DNER: variants seen among roughly 807,000 people sequenced by gnomAD.
DNER encodes the protein delta and Notch-like epidermal growth factor-related receptor.
Under a neutral mutation model 78.2 loss-of-function variants are expected in DNER, and 33 were observed. The observed-to-expected ratio is 0.42, with a 90% confidence interval of 0.32 to 0.56. DNER has a LOEUF of 0.56. Ranked by LOEUF, DNER falls within the 20% of genes least tolerant of loss-of-function variation. The pLI, the probability that DNER is intolerant of heterozygous loss-of-function variation, is 0.11. For missense variants in DNER, 918 were observed against 975.3 expected (o/e 0.94, Z 0.78); for synonymous variants, 417 against 384.8 (o/e 1.08, Z -0.98).
At chr2:229,406,967 A>G (rs1259627958) in intron 10 of DNER, among the ~76,000 whole-genome samples, 1 of 152,166 alleles carries the variant, frequency 6.6e-6, no homozygotes, top group Non-Finnish European at 1.5e-5. Flanking sequence ...CTCATGTTTC[A>G]TAGTCCTAGC....
intron 10 of DNER, among the ~76,000 whole-genome samples, chr2:229,405,304 AAAATATC>A (rs1188509950): frequency 6.6e-6 from 1 of 152,190 alleles, no homozygotes; most frequent in East Asian, 1.9e-4. Flanking sequence ...TTGGTAGGAG[AAAATATC>A]GGTTCAATGT....
At chr2:229,616,303 A>G (rs1376289725) in intron 1 of DNER, among the ~76,000 whole-genome samples, 1 of 152,000 alleles carries the variant, frequency 6.6e-6, no homozygotes, top group Non-Finnish European at 1.5e-5. Flanking sequence ...CTTTTGTCCT[A>G]TGGTTCCATG....
chr2:229,461,772 A>C (rs1694708303), intron 7 of DNER, among the ~76,000 whole-genome samples: 1 of 152,086 alleles, frequency 6.6e-6, no homozygotes, highest in Admixed American at 6.5e-5. Context: ...CAAAAAGTGC[A>C]AGCAGAAAGA....
At chr2:229,457,031 A>G (rs1402799685) in intron 7 of DNER, among the ~76,000 whole-genome samples, 2 of 152,144 alleles carry the variant, frequency 1.3e-5, no homozygotes, top group Non-Finnish European at 2.9e-5. Flanking sequence ...AGGCACTGGA[A>G]AAATAAACTC....
chr2:229,371,743 C>T (rs1049744700), intron 11 of DNER, among the ~76,000 whole-genome samples: 1 of 152,190 alleles, frequency 6.6e-6, no homozygotes, highest in Non-Finnish European at 1.5e-5. Context: ...TAGCCCATAT[C>T]TATTTTTTAA....
At chr2:229,693,017 G>T (rs185881012) in intron 1 of DNER, among the ~76,000 whole-genome samples, 2 of 152,096 alleles carry the variant, frequency 1.3e-5, no homozygotes, top group African/African-American at 4.8e-5. Flanking sequence ...ATTCCAGTCT[G>T]ATATGGTTTG....
chr2:229,663,281 T>C (rs1405953380), intron 1 of DNER, among the ~76,000 whole-genome samples: 1 of 152,202 alleles, frequency 6.6e-6, no homozygotes, highest in Admixed American at 6.5e-5. Flanking sequence ...CACTATGTTA[T>C]GCTGCAAGTC....
At chr2:229,370,165 G>C (rs1195585885) in intron 11 of DNER, among the ~76,000 whole-genome samples, 1 of 152,176 alleles carries the variant, frequency 6.6e-6, no homozygotes, top group Non-Finnish European at 1.5e-5. Context: ...TTGAAAAGCT[G>C]CAGTCAGTCT....
chr2:229,598,565 C>T (rs1456549834), intron 1 of DNER, among the ~76,000 whole-genome samples: 1 of 146,872 alleles, frequency 6.8e-6, no homozygotes, highest in Non-Finnish European at 1.5e-5. Context: ...TGTTAAACTA[C>T]CTTACATTTT....
intron 1 of DNER, among the ~76,000 whole-genome samples, chr2:229,601,701 A>G (rs1223838597): frequency 6.6e-6 from 1 of 152,196 alleles, no homozygotes; most frequent in Non-Finnish European, 1.5e-5. Flanking sequence ...ATCCATTAAA[A>G]ATAAACTCTT....
chr2:229,358,475 A>G lies in DNER; in HGVS notation c.*65T>C, dbSNP rs749156077. 40 of 1,279,292 alleles carry G rather than the reference A, an allele frequency of 3.1e-5. No homozygotes were observed. The Middle Eastern group carries it at 9.9e-4, about 32-fold the overall frequency. 79.2% of individuals were successfully genotyped at this position (1,279,292 alleles called of 1,614,324 possible). Reference sequence around the variant, plus strand: ...GCATTTTAAATTTCTTAAGCTTTTTATTTTCTTAAAAATATTTAAATGAGT... The same window carrying G: ...GCATTTTAAATTTCTTAAGCTTTTTGTTTTCTTAAAAATATTTAAATGAGT... On this transcript the variant is annotated 3_prime_UTR_variant, in exon 13 of 13. Transcript: ENST00000341772.
At chr2:229,677,670 G>A (rs561836129) in intron 1 of DNER, among the ~76,000 whole-genome samples, 300 of 152,246 alleles carry the variant, frequency 2.0e-3, no homozygotes, top group African/African-American at 7.1e-3. Context: ...CAAAGAAAAG[G>A]TTCTATGAAG....
intron 6 of DNER, among the ~76,000 whole-genome samples, chr2:229,492,361 A>G (rs545214832): frequency 6.6e-5 from 10 of 152,326 alleles, no homozygotes; most frequent in African/African-American, 2.4e-4. Flanking sequence ...CAAGGGGTGC[A>G]ATGTCTGGTC....
intron 1 of DNER, among the ~76,000 whole-genome samples, chr2:229,707,226 G>A (rs1354489870): frequency 6.8e-5 from 9 of 131,676 alleles, no homozygotes; most frequent in Non-Finnish European, 7.8e-5. Context: ...GTAGGGATGC[G>A]GTTTCACCAT....
At chr2:229,505,304 C>T (rs1323106660) in intron 6 of DNER, among the ~76,000 whole-genome samples, 2 of 151,432 alleles carry the variant, frequency 1.3e-5, no homozygotes, top group Admixed American at 6.6e-5. Flanking sequence ...TGCAGGGAAT[C>T]GGAACTGGCA....
chr2:229,462,935 C>G (rs549027810), intron 7 of DNER, among the ~76,000 whole-genome samples: 4 of 152,248 alleles, frequency 2.6e-5, no homozygotes, highest in Non-Finnish European at 5.9e-5. Flanking sequence ...GAGTTGACTC[C>G]TCCTTATGTC....
intron 2 of DNER, among the ~76,000 whole-genome samples, chr2:229,589,944 T>C (rs555849794): frequency 5.4e-5 from 8 of 149,064 alleles, no homozygotes; most frequent in Non-Finnish European, 1.2e-4. Flanking sequence ...CTGGTGAGAA[T>C]TACTCAAGAA....
intron 5 of DNER, among the ~76,000 whole-genome samples, chr2:229,541,979 A>C (rs556278280): frequency 1.4e-5 from 2 of 147,058 alleles, no homozygotes; most frequent in South Asian, 2.1e-4. Flanking sequence ...AATTATATAC[A>C]ATCTATATTA....
rs141650936 is a variant in DNER, at chr2:229,477,540, G to A, written c.1148-287C>T. On this transcript the variant is annotated intron_variant, in intron 6 of 12. Coordinates refer to ENST00000341772, the MANE Select transcript of DNER (RefSeq NM_139072.4). ...TGTGTTTCATCTTGAAATATCAGTC[G>A]GAACTTTCAGAAGCTGAGACTGAGG... Among the ~76,000 whole-genome samples, 666 of 152,252 alleles carry A rather than the reference G, an allele frequency of 4.4e-3. 3 individuals carry two copies. The highest frequency in any genetic ancestry group is 0.015 in the African/African-American group (640 of 41,546).
Sources: allele counts gnomAD v4.1 joint callset (sites outside exome capture counted in the v4.1 genomes callset), GRCh38; gene constraint gnomAD v4.1.1; transcripts MANE v1.5; gene names NCBI Gene and HGNC (gene_info 2026-07-23, HGNC 2026-07-21).